MGST1: variants seen among roughly 807,000 people sequenced by gnomAD.
The protein encoded by MGST1 is glutathione S-transferase 12.
A neutral mutation model predicts 8.9 loss-of-function variants in MGST1; 5 were observed. The observed-to-expected ratio is 0.56, with a 90% confidence interval of 0.29 to 1.19. MGST1 has a LOEUF of 1.19. Ranked by LOEUF, MGST1 falls within the 50% of genes most tolerant of loss-of-function variation. The probability of loss-of-function intolerance (pLI) is 0.08; values close to 1 mark genes in which losing one functional copy is unlikely to be tolerated. For missense variants in MGST1, 182 were observed against 187.4 expected, an observed-to-expected ratio of 0.97 and a Z score of 0.17; for synonymous variants, 54 against 67.8, an observed-to-expected ratio of 0.80 and a Z score of 1.00.
chr12:16,567,261 T>C (rs1850325571), intron 4 of MGST1: 2 of 165,452 alleles, frequency 1.2e-5, no homozygotes, highest in Admixed American at 6.4e-5. Context: ...ATCCCAGCAA[T>C]AATTCATGGT....
chr12:16,502,400 C>T (rs1261792387), intron 4 of MGST1, among the ~76,000 whole-genome samples: 1 of 152,094 alleles, frequency 6.6e-6, no homozygotes, highest in Non-Finnish European at 1.5e-5. Flanking sequence ...CTTAAATTCA[C>T]CTCAAAGATT....
downstream of MGST1, among the ~76,000 whole-genome samples, chr12:16,442,025 A>G (rs1198584160): frequency 1.3e-5 from 2 of 151,748 alleles, no homozygotes; most frequent in South Asian, 2.1e-4. The surrounding 1 kb of genome is among the most constrained non-coding windows in gnomAD (Gnocchi z 4.5). Context: ...GTGTGGTGGT[A>G]TTTCATTGTT....
rs543223618 is a variant in MGST1 at position 16,436,772 on chromosome 12, T to C, written n.779-616T>C. Among the ~76,000 whole-genome samples, 12 of 152,082 alleles carry C rather than the reference T, an allele frequency of 7.9e-5. No homozygotes were observed. The South Asian group carries it at 2.5e-3, about 32-fold the overall frequency. ...GAAACAAAGGCATAAAAAAGTTAAC[T>C]ACCTTGTCCACAGTCATGCAGCTAG... On this transcript the variant is annotated intron_variant and non_coding_transcript_variant, in intron 1 of 1. Transcript: ENST00000359720.
In MGST1 at chr12:16,559,461, G is replaced by C. The variant is rs936891447; in HGVS notation, n.483-30067G>C. Among the ~76,000 whole-genome samples, 7 of 151,702 alleles carry C rather than the reference G, an allele frequency of 4.6e-5. No homozygotes were observed. The highest frequency in any genetic ancestry group is 1.0e-4 in the Non-Finnish European group (7 of 68,012). ...TCCAGAGAGGGAAGGTGTTTGTTTG[G>C]TTTAAGATCGCACAGCTTATTAGTG... On this transcript the variant is annotated intron_variant and non_coding_transcript_variant, in intron 4 of 4. Coordinates refer to the MGST1 transcript ENST00000538857. The surrounding 1 kb of genome is among the most constrained non-coding windows in gnomAD (Gnocchi z 4.1).
chr12:16,407,301 A>G (rs934598111), intron 1 of MGST1, among the ~76,000 whole-genome samples: 1 of 152,264 alleles, frequency 6.6e-6, no homozygotes. Context: ...GCCAACAAGC[A>G]TATGAAGAAA....
intron 4 of MGST1, among the ~76,000 whole-genome samples, chr12:16,487,847 G>A (rs925330928): frequency 6.6e-6 from 1 of 151,928 alleles, no homozygotes; most frequent in Non-Finnish European, 1.5e-5. Flanking sequence ...CAGAGATGGG[G>A]TCTCACTATG....
intron 1 of MGST1, among the ~76,000 whole-genome samples, chr12:16,429,013 GT>G (rs764859784): frequency 6.6e-6 from 1 of 151,584 alleles, no homozygotes; most frequent in Non-Finnish European, 1.5e-5. Flanking sequence ...GTACATTTTT[GT>G]TTTTTTGAAA....
intron 4 of MGST1, among the ~76,000 whole-genome samples, chr12:16,504,312 T>A (rs1021318769): frequency 2.0e-5 from 3 of 152,206 alleles, no homozygotes; most frequent in Admixed American, 1.3e-4. Context: ...CAAAAGGAGA[T>A]CCTGTTCAAA....
intron 4 of MGST1, among the ~76,000 whole-genome samples, chr12:16,540,119 C>A (rs1413174022): frequency 6.6e-6 from 1 of 152,150 alleles, no homozygotes; most frequent in Non-Finnish European, 1.5e-5. Context: ...TTATCCATTC[C>A]AGACTTTAAC....
At chr12:16,480,885 T>G (rs975434205) in intron 4 of MGST1, among the ~76,000 whole-genome samples, 1 of 152,112 alleles carries the variant, frequency 6.6e-6, no homozygotes, top group African/African-American at 2.4e-5. Context: ...CTGGGCAACA[T>G]AGCCAGAGCC....
chr12:16,451,430 A>G (rs1227811381), intron 4 of MGST1, among the ~76,000 whole-genome samples: 10 of 151,906 alleles, frequency 6.6e-5, no homozygotes. Context: ...TGCATTACAT[A>G]TTTCAAAATA....
rs933370964 is a variant in MGST1 at position 16,589,525 on chromosome 12, T to A, written n.483-3T>A. 2.0e-5 allele frequency: 3 copies of A among 152,114 alleles called. No individual in the cohort carries two copies. The highest frequency in any genetic ancestry group is 2.9e-5 in the Non-Finnish European group (2 of 68,010). The allele number at this position is 152,114 out of a possible 1,614,324, so 9.4% of individuals were successfully genotyped here. A position where few individuals can be genotyped will look rare whatever the true frequency, so the allele number is the denominator to read the frequency against. The stretch of plus-strand genomic sequence containing the variant: ...ATCTCCTGAAAAATTATGTCTTTTT[T>A]AGGTTGCTGCAGAAGTCAAGAGCTA... On this transcript the variant is annotated splice_region_variant and splice_polypyrimidine_tract_variant and intron_variant and non_coding_transcript_variant, in intron 4 of 4. Transcript: ENST00000538857. This position sits in a 1 kb window ranked among gnomAD's most constrained non-coding sequence, Gnocchi z 4.2.
intron 4 of MGST1, among the ~76,000 whole-genome samples, chr12:16,510,135 C>G (rs1029990217): frequency 6.6e-6 from 1 of 152,208 alleles, no homozygotes; most frequent in South Asian, 2.1e-4. Context: ...TTGCTGACTT[C>G]TACGTCGTGC....
At chr12:16,434,996 C>T (rs1220936190) in intron 1 of MGST1, among the ~76,000 whole-genome samples, 2 of 152,058 alleles carry the variant, frequency 1.3e-5, no homozygotes, top group East Asian at 3.9e-4. Flanking sequence ...GCTAATTTTA[C>T]ATTTATCCGA....
intron 4 of MGST1, among the ~76,000 whole-genome samples, chr12:16,483,545 A>G (rs1283624821): frequency 6.6e-6 from 1 of 152,148 alleles, no homozygotes; most frequent in Non-Finnish European, 1.5e-5. Flanking sequence ...GTTGACATAG[A>G]TATATTAATA....
In MGST1 at chr12:16,495,022, C is replaced by A. The variant is rs369505674; in HGVS notation, n.483-94506C>A. Reference sequence around the variant, plus strand: ...AAATTCTGGTTGTACCAAATACGCACCAGCTGTATGGAGTTAGGCAATATA... The same window carrying A: ...AAATTCTGGTTGTACCAAATACGCAACAGCTGTATGGAGTTAGGCAATATA... On this transcript the variant is annotated intron_variant and non_coding_transcript_variant, in intron 4 of 4. Transcript: ENST00000538857. Among the ~76,000 whole-genome samples the A allele has an allele frequency of 3.9e-5, 6 of 152,126 alleles. No homozygotes were observed. In the East Asian group the frequency reaches 9.6e-4, roughly 24 times the overall value.
intron 4 of MGST1, among the ~76,000 whole-genome samples, chr12:16,456,995 C>T (rs1046995797): frequency 4.6e-5 from 7 of 151,892 alleles, no homozygotes; most frequent in Non-Finnish European, 7.4e-5. Context: ...TAAATGCACG[C>T]GTGTCCTAAA....
intron 2 of MGST1, among the ~76,000 whole-genome samples, chr12:16,357,014 T>C (rs748188671): frequency 3.9e-5 from 6 of 152,232 alleles, no homozygotes; most frequent in Non-Finnish European, 7.3e-5. Context: ...CTTAGAATTA[T>C]GCCTTTCCCC....
At position 16,555,838 on chromosome 12, in the gene MGST1, C is replaced by T. The variant is rs1479732856; in HGVS notation, n.483-33690C>T. 6.6e-6 allele frequency among the ~76,000 whole-genome samples: 1 copy of T among 152,128 alleles called. No homozygotes were observed. Among genetic ancestry groups the T allele is most frequent in the Non-Finnish European group, 1.5e-5 (1 of 68,004 alleles). On this transcript the variant is annotated intron_variant and non_coding_transcript_variant, in intron 4 of 4. Coordinates refer to the MGST1 transcript ENST00000538857. This position sits in a 1 kb window ranked among gnomAD's most constrained non-coding sequence, Gnocchi z 5.5. ...TGCTCCCTGGCTCCCTCATCTTCCC[C>T]AACCCCGAGCAGACACACTTCCTGT...
Sources: gnomAD v4.1 joint callset for allele counts (sites outside exome capture counted in the v4.1 genomes callset) on GRCh38, gnomAD v4.1.1 for gene constraint, Gnocchi (gnomAD v3.1) non-coding constraint, MANE v1.5 for transcripts, NCBI Gene and HGNC (gene_info 2026-07-23, HGNC 2026-07-21) for gene names.